Variants in FBXL17 observed in about 807,000 individuals in gnomAD.
FBXL17 encodes the protein F-box/LRR-repeat protein 17.
Under a neutral mutation model 66.2 loss-of-function variants are expected in FBXL17, and 22 were observed. The ratio of observed to expected loss-of-function variants is 0.33; its 90% confidence interval spans 0.24 to 0.47. The LOEUF (loss-of-function observed/expected upper bound fraction) is 0.47. Among genes scored for constraint, FBXL17 ranks in the 20% least tolerant of loss-of-function variants. The probability of loss-of-function intolerance (pLI) is 1.00; values close to 1 mark genes in which losing one functional copy is unlikely to be tolerated. For missense variants in FBXL17, 878 were observed against 948.2 expected (o/e 0.93, Z 0.97); for synonymous variants, 474 against 400.5 (o/e 1.18, Z -2.19).
intron 1 of FBXL17, among the ~76,000 whole-genome samples, chr5:108,374,013 C>T (rs1461151481): frequency 6.6e-6 from 1 of 152,088 alleles, no homozygotes; most frequent in African/African-American, 2.4e-5. Flanking sequence ...CAAAAATATA[C>T]ACAGATTGAG....
intron 4 of FBXL17, chr5:108,302,014 G>A (rs887932550): frequency 8.1e-6 from 8 of 984,540 alleles, no homozygotes; most frequent in South Asian, 4.7e-5. Context: ...TTCTCATGTC[G>A]TGATTGGAAT....
chr5:108,373,438 T>C (rs528091515), intron 1 of FBXL17, among the ~76,000 whole-genome samples: 1 of 148,502 alleles, frequency 6.7e-6, no homozygotes, highest in Non-Finnish European at 1.5e-5. Flanking sequence ...GAGAATTATA[T>C]GTATATATGA....
chr5:108,095,447 A>G (rs1232916799), intron 6 of FBXL17, among the ~76,000 whole-genome samples: 4 of 152,108 alleles, frequency 2.6e-5, no homozygotes, highest in Non-Finnish European at 5.9e-5. Flanking sequence ...TATTTTAGTA[A>G]GCTATTAACA....
chr5:107,900,043 AT>A (rs1330960042), intron 7 of FBXL17, among the ~76,000 whole-genome samples: 2 of 152,206 alleles, frequency 1.3e-5, no homozygotes, highest in South Asian at 4.2e-4. Flanking sequence ...TATTTGAAAC[AT>A]TTTTTTCTGA....
intron 5 of FBXL17, among the ~76,000 whole-genome samples, chr5:108,196,861 A>G (rs1753701185): frequency 6.6e-6 from 1 of 152,196 alleles, no homozygotes; most frequent in Admixed American, 6.6e-5. Context: ...CTCTATTTAC[A>G]TATTTGTTCT....
chr5:108,276,266 C>T (rs1189558901), intron 4 of FBXL17, among the ~76,000 whole-genome samples: 1 of 152,034 alleles, frequency 6.6e-6, no homozygotes, highest in Non-Finnish European at 1.5e-5. Context: ...AATATGAAAA[C>T]ATTACTTTCA....
chr5:108,037,705 G>T (rs925760196), intron 6 of FBXL17, among the ~76,000 whole-genome samples: 4 of 151,966 alleles, frequency 2.6e-5, no homozygotes, highest in African/African-American at 4.8e-5. Context: ...TTACAGTGGG[G>T]GCAATAAGAT....
intron 4 of FBXL17, among the ~76,000 whole-genome samples, chr5:108,317,555 TG>T (rs937328478): frequency 1.6e-4 from 24 of 151,286 alleles, no homozygotes; most frequent in African/African-American, 5.6e-4. Flanking sequence ...TCACTATTTT[TG>T]TATAAATTAA....
chr5:108,126,460 T>G (rs992772927), intron 6 of FBXL17, among the ~76,000 whole-genome samples: 3 of 151,962 alleles, frequency 2.0e-5, no homozygotes, highest in African/African-American at 7.2e-5. Flanking sequence ...AGACTATATT[T>G]ACTTCAGATT....
At chr5:108,314,081 C>G (rs1759243999) in intron 4 of FBXL17, among the ~76,000 whole-genome samples, 1 of 151,672 alleles carries the variant, frequency 6.6e-6, no homozygotes, top group Admixed American at 6.6e-5. Flanking sequence ...TGCAACATTT[C>G]TATTTTCTAT....
chr5:108,348,673 A>C, intron 3 of FBXL17, 143 bp from the exon 4 acceptor site: 1 of 862,324 alleles, frequency 1.2e-6, no homozygotes, highest in Admixed American at 2.7e-5. Flanking sequence ...GAATGTAAGC[A>C]ATCCATAACT....
At chr5:108,092,341 C>T (rs1323460313) in intron 6 of FBXL17, among the ~76,000 whole-genome samples, 1 of 152,136 alleles carries the variant, frequency 6.6e-6, no homozygotes, top group African/African-American at 2.4e-5. Context: ...GGTCTCACTC[C>T]TGTTGCACAG....
At chr5:107,882,958 T>A (rs1421767275) in intron 7 of FBXL17, among the ~76,000 whole-genome samples, 1 of 152,146 alleles carries the variant, frequency 6.6e-6, no homozygotes, top group Non-Finnish European at 1.5e-5. Flanking sequence ...TATAAGCAGA[T>A]AAAGAGTCAA....
At chr5:108,276,275 C>A (rs1757477980) in intron 4 of FBXL17, among the ~76,000 whole-genome samples, 1 of 141,486 alleles carries the variant, frequency 7.1e-6, no homozygotes, top group Non-Finnish European at 1.6e-5. Flanking sequence ...ACATTACTTT[C>A]AGAGAAACTA....
At chr5:108,363,194 C>G (rs901767884) in intron 3 of FBXL17, among the ~76,000 whole-genome samples, 7 of 152,080 alleles carry the variant, frequency 4.6e-5, no homozygotes, top group African/African-American at 1.7e-4. Flanking sequence ...TAGTATAGAA[C>G]AGAATAGATA....
intron 7 of FBXL17, among the ~76,000 whole-genome samples, chr5:107,916,682 A>G (rs1750144803): frequency 6.6e-6 from 1 of 152,190 alleles, no homozygotes; most frequent in African/African-American, 2.4e-5. Flanking sequence ...AAGAAAATAA[A>G]CTTCTTAAAT....
chr5:108,115,399 C>T (rs184350834), intron 6 of FBXL17, among the ~76,000 whole-genome samples: 68 of 151,940 alleles, frequency 4.5e-4, no homozygotes, highest in Middle Eastern at 3.4e-3. Context: ...CTCACGCTAT[C>T]ATATATATAA....
rs559885825 is a variant in FBXL17, at chr5:108,374,694, G to A, written c.993+6005C>T. Among the ~76,000 whole-genome samples, 3 of 152,032 alleles carry A rather than the reference G, an allele frequency of 2.0e-5. No homozygotes were observed. The East Asian group carries it at 5.8e-4, about 29-fold the overall frequency. ...CTGTTTCAAAAAATGAAAGAAAAGA[G>A]AAGAGGAGAAGGGAGGTGAGGAAAG... On this transcript the variant is annotated intron_variant, in intron 1 of 8. Coordinates refer to ENST00000542267, the MANE Select transcript of FBXL17 (RefSeq NM_001163315.3).
At chr5:108,380,489 A>G (rs189249386) in intron 1 of FBXL17, among the ~76,000 whole-genome samples, 259 of 152,330 alleles carry the variant, frequency 1.7e-3, no homozygotes, top group African/African-American at 5.9e-3. Flanking sequence ...CAAGCTATTA[A>G]AAGACATTCA....
Sources: allele counts gnomAD v4.1 joint callset (sites outside exome capture counted in the v4.1 genomes callset), GRCh38; gene constraint gnomAD v4.1.1; transcripts MANE v1.5; gene names NCBI Gene and HGNC (gene_info 2026-07-23, HGNC 2026-07-21).